CNST: variants seen among roughly 807,000 people sequenced by gnomAD.
The protein encoded by CNST is consortin.
A neutral mutation model predicts 72.4 loss-of-function variants in CNST; 39 were observed. The ratio of observed to expected loss-of-function variants is 0.54; its 90% CI spans 0.42 to 0.70. The LOEUF is 0.70. Among genes scored for constraint, CNST ranks in the 30% least tolerant of loss-of-function variants. CNST has a pLI of 0.00. For missense variants in CNST, 871 were observed against 868.5 expected, an observed-to-expected ratio of 1.00 and a Z score of -0.04; for synonymous variants, 332 against 320.1, an observed-to-expected ratio of 1.04 and a Z score of -0.40.
intron 1 of CNST, among the ~76,000 whole-genome samples, chr1:246,571,895 T>C (rs1403754435): frequency 6.6e-6 from 1 of 152,244 alleles, no homozygotes; most frequent in Non-Finnish European, 1.5e-5. Context: ...TATTTTGCAA[T>C]TGGCATATGT....
chr1:246,665,525 A>G (rs1667352664), intron 10 of CNST, among the ~76,000 whole-genome samples, 175 bp from the exon 11 acceptor site: 1 of 152,252 alleles, frequency 6.6e-6, no homozygotes. Flanking sequence ...TCTTCTTGGT[A>G]TTTAATAGGT....
At chr1:246,570,069 A>G (rs12061560) in intron 1 of CNST, 3,918 of 225,380 alleles carry the variant, frequency 0.017, 70 homozygotes, top group East Asian at 0.062. Flanking sequence ...TCTTTGAGCA[A>G]AATTTAGAAA....
At chr1:246,606,658 G>A (rs1363810889) in intron 2 of CNST, 7 of 151,084 alleles carry the variant, frequency 4.6e-5, no homozygotes, top group African/African-American at 1.7e-4. Flanking sequence ...ACCATCCTCA[G>A]CCCAGGTGGC....
chr1:246,594,638 A>G (rs1333616766), intron 2 of CNST, among the ~76,000 whole-genome samples: 1 of 152,052 alleles, frequency 6.6e-6, no homozygotes, highest in African/African-American at 2.4e-5. Context: ...GCCTGGTGGC[A>G]TGCACCTGTA....
At chr1:246,604,203 G>A (rs537856448) in intron 2 of CNST, among the ~76,000 whole-genome samples, 15 of 151,922 alleles carry the variant, frequency 9.9e-5, no homozygotes, top group African/African-American at 2.9e-4. Context: ...GCAGTGAGCC[G>A]ATATCGCGCC....
At chr1:246,636,500 G>A (rs1056411153) in intron 6 of CNST, among the ~76,000 whole-genome samples, 13 of 152,114 alleles carry the variant, frequency 8.5e-5, no homozygotes, top group Admixed American at 4.6e-4. Flanking sequence ...TCTACAAACC[G>A]GTTTTTTCCT....
chr1:246,635,538 T>C (rs1055380988), intron 6 of CNST, among the ~76,000 whole-genome samples: 4 of 152,312 alleles, frequency 2.6e-5, no homozygotes, highest in South Asian at 2.1e-4. Context: ...TTTTCCATTA[T>C]CGTCTATGTT....
At position 246,589,443 on chromosome 1, in the gene CNST, CTCA is replaced by C. The variant is rs1446421672; in HGVS notation, c.-51-2064_-51-2062del. On this transcript the variant is annotated intron_variant, in intron 1 of 10. Coordinates refer to ENST00000366513, the MANE Select transcript of CNST (RefSeq NM_152609.3). The stretch of plus-strand genomic sequence containing the variant: ...TCCATGTCCCTACAAAGGACATGAA[CTCA>C]TCATTTTTTATGGATGCATAGTATT... Among the ~76,000 whole-genome samples, 3 of 151,944 alleles carry C rather than the reference CTCA, an allele frequency of 2.0e-5. No individual in the cohort carries two copies. In the East Asian group the frequency reaches 5.8e-4, roughly 29 times the overall value.
chr1:246,637,358 A>C (rs528336675), intron 6 of CNST, among the ~76,000 whole-genome samples: 90 of 152,334 alleles, frequency 5.9e-4, no homozygotes, highest in African/African-American at 2.0e-3. Flanking sequence ...AGTTATGTTG[A>C]GAGGACAAGG....
chr1:246,594,703 A>G (rs1252809366), intron 2 of CNST, among the ~76,000 whole-genome samples: 1 of 152,172 alleles, frequency 6.6e-6, no homozygotes, highest in Non-Finnish European at 1.5e-5. Context: ...TGGGAGGCGG[A>G]GGTTGCAGTG....
intron 8 of CNST, among the ~76,000 whole-genome samples, chr1:246,646,274 C>T (rs187685301): frequency 3.6e-4 from 21 of 59,042 alleles, no homozygotes; most frequent in South Asian, 3.2e-3. Context: ...AGCGAAACTC[C>T]GTCTCAAAAA....
intron 1 of CNST, among the ~76,000 whole-genome samples, chr1:246,585,666 TACACACACACAC>T (rs56730668): frequency 0.016 from 1,602 of 101,588 alleles, 98 homozygotes; most frequent in African/African-American, 0.056. Context: ...AAAAAAAATA[TACACACACACAC>T]ACACACACAC....
intron 1 of CNST, among the ~76,000 whole-genome samples, chr1:246,581,271 A>G (rs1469238527): frequency 2.0e-5 from 3 of 151,646 alleles, no homozygotes; most frequent in South Asian, 2.1e-4. Context: ...ACCCATACCA[A>G]TCTTTTTTTT....
At chr1:246,589,000 T>G (rs995491345) in intron 1 of CNST, among the ~76,000 whole-genome samples, 2 of 152,202 alleles carry the variant, frequency 1.3e-5, no homozygotes, top group African/African-American at 2.4e-5. Flanking sequence ...TTTCAGGTAC[T>G]CAATAGCCCT....
In CNST at chr1:246,647,489, A is replaced by G. The variant is rs776831096; in HGVS notation, c.1288A>G (p.Lys430Glu). ...TAAGGTGTTTCTTTCCAGCAAGTCA[A>G]AGACAGAGCCGTTGATTTCACCAGG... ...DPKVFLSSKS[K>E]TEPLISPGCD... Residue 430 changes from lysine to glutamate, a missense_variant, in exon 9 of 11, where the codon AAG (lysine) becomes GAG (glutamate). Coordinates refer to ENST00000366513, the MANE Select transcript of CNST (RefSeq NM_152609.3). 4 of 1,614,102 alleles carry G rather than the reference A, an allele frequency of 2.5e-6. No homozygotes were observed. In the African/African-American group the frequency reaches 4.0e-5, roughly 16 times the overall value.
intron 9 of CNST, among the ~76,000 whole-genome samples, chr1:246,657,605 G>T (rs1028344911): frequency 6.6e-6 from 1 of 152,134 alleles, no homozygotes; most frequent in Non-Finnish European, 1.5e-5. Context: ...AGAAAAAGTT[G>T]CCAGAGTTCA....
chr1:246,623,807 A>G (rs1664244898), intron 3 of CNST, among the ~76,000 whole-genome samples: 1 of 151,336 alleles, frequency 6.6e-6, no homozygotes, highest in East Asian at 2.0e-4. Context: ...TCATACCTGT[A>G]ATGCAGCACT....
intron 1 of CNST, among the ~76,000 whole-genome samples, chr1:246,572,841 G>A (rs1032709911): frequency 7.9e-5 from 12 of 152,148 alleles, no homozygotes; most frequent in African/African-American, 2.2e-4. Context: ...GGGATTACAG[G>A]TGTGAGTCAC....
intron 2 of CNST, among the ~76,000 whole-genome samples, chr1:246,619,590 C>G (rs1337506878): frequency 6.6e-6 from 1 of 152,172 alleles, no homozygotes; most frequent in Non-Finnish European, 1.5e-5. Context: ...AGGAAAGTAA[C>G]TTGACTTCAA....
Sources: gnomAD v4.1 joint callset for allele counts (sites outside exome capture counted in the v4.1 genomes callset) on GRCh38, gnomAD v4.1.1 for gene constraint, MANE v1.5 for transcripts, NCBI Gene and HGNC (gene_info 2026-07-23, HGNC 2026-07-21) for gene names.